The following VEGFC variants were observed in gnomAD, a reference collection of about 807,000 sequenced individuals.
VEGFC encodes the protein FLT4 ligand DHM.
VEGFC carries 12 observed loss-of-function variants against 46.1 expected under a neutral mutation model. The ratio of observed to expected loss-of-function variants is 0.26; its 90% confidence interval spans 0.17 to 0.42. VEGFC has a LOEUF of 0.42. VEGFC is among the 10% of genes least tolerant of loss of function. The probability of loss-of-function intolerance (pLI) is 1.00; values close to 1 mark genes in which losing one functional copy is unlikely to be tolerated. For missense variants in VEGFC, 488 were observed against 529.4 expected (o/e 0.92, Z 0.77); for synonymous variants, 232 against 195.5 (o/e 1.19, Z -1.56).
intron 1 of VEGFC, among the ~76,000 whole-genome samples, chr4:176,733,584 G>C (rs1389881038): frequency 2.0e-5 from 3 of 151,854 alleles, no homozygotes; most frequent in African/African-American, 7.2e-5. Context: ...AGAAGTCATT[G>C]TAAAAGGCTA....
At position 176,691,845 on chromosome 4, in the gene VEGFC, C is replaced by A. The variant is rs142930551; in HGVS notation, c.705-3918G>T. Among the ~76,000 whole-genome samples, 426 of 152,312 alleles carry A rather than the reference C, an allele frequency of 2.8e-3. 10 individuals carry two copies. The East Asian group carries it at 0.066, about 24-fold the overall frequency. On this transcript the variant is annotated intron_variant, in intron 4 of 6. Coordinates refer to ENST00000618562, the MANE Select transcript of VEGFC (RefSeq NM_005429.5). ...TCCGGTCTACAGCTCCCAGCCTGAG[C>A]AACGCAGAAGACGGGTGATTTCTGC...
intron 1 of VEGFC, among the ~76,000 whole-genome samples, chr4:176,761,152 A>G (rs544074855): frequency 6.6e-6 from 1 of 152,356 alleles, no homozygotes; most frequent in African/African-American, 2.4e-5. Flanking sequence ...AAATTGTGAG[A>G]AAATTAAATT....
At chr4:176,754,022 G>C (rs1237087872) in intron 1 of VEGFC, among the ~76,000 whole-genome samples, 1 of 152,036 alleles carries the variant, frequency 6.6e-6, no homozygotes, top group East Asian at 1.9e-4. Flanking sequence ...TATTATTACT[G>C]TAACCATATT....
chr4:176,779,000 A>AT (rs1374590038), intron 1 of VEGFC, among the ~76,000 whole-genome samples: 1 of 152,204 alleles, frequency 6.6e-6, no homozygotes, highest in Non-Finnish European at 1.5e-5. Flanking sequence ...ACAGGAAAAA[A>AT]TGTCTAATTC....
At chr4:176,689,934 A>C (rs1350900177) in intron 4 of VEGFC, among the ~76,000 whole-genome samples, 1 of 152,220 alleles carries the variant, frequency 6.6e-6, no homozygotes, top group Non-Finnish European at 1.5e-5. Flanking sequence ...ATTATTTTGT[A>C]GGAAATAGCT....
At chr4:176,730,774 C>A (rs564611071) in intron 1 of VEGFC, among the ~76,000 whole-genome samples, 1 of 152,060 alleles carries the variant, frequency 6.6e-6, no homozygotes, top group East Asian at 1.9e-4. Context: ...AACATATTTG[C>A]CTTAAAATTG....
chr4:176,698,697 A>C (rs113359039), intron 4 of VEGFC, among the ~76,000 whole-genome samples: 10,512 of 151,940 alleles, frequency 0.069, 415 homozygotes, highest in Non-Finnish European at 0.092. Context: ...AAGTTGTCAC[A>C]CTCTAACATT....
rs1734066132 is a variant in VEGFC, at chr4:176,687,513, T to C, written c.819A>G (p.Thr273=). 4 of 1,597,754 alleles carry C rather than the reference T, an allele frequency of 2.5e-6. No individual in the cohort carries two copies. The highest frequency in any genetic ancestry group is 1.1e-5 in the South Asian group (1 of 89,690). ...GTCCACAGATGTCATGGAATCCATC[T>C]GTTGAGTCTAGACAAATAGTCAGAG... The part of the protein sequence containing the change: ...MFSSDAGDDS[T]DGFHDICGPN... Residue 273 remains threonine (T), a synonymous_variant, in exon 6 of 7, where the codon ACA becomes ACG. Transcript: ENST00000618562.
At chr4:176,695,175 T>C (rs1734286085) in intron 4 of VEGFC, among the ~76,000 whole-genome samples, 1 of 151,748 alleles carries the variant, frequency 6.6e-6, no homozygotes, top group Non-Finnish European at 1.5e-5. Context: ...CCTTCAAAAA[T>C]TAATGAATCC....
At chr4:176,724,386 A>G (rs1243377226) in intron 3 of VEGFC, among the ~76,000 whole-genome samples, 1 of 152,210 alleles carries the variant, frequency 6.6e-6, no homozygotes, top group African/African-American at 2.4e-5. Flanking sequence ...CACTGGGATA[A>G]GTAGTGAACG....
At chr4:176,789,325 T>C (rs180905673) in intron 1 of VEGFC, among the ~76,000 whole-genome samples, 1 of 152,390 alleles carries the variant, frequency 6.6e-6, no homozygotes. Flanking sequence ...CTAAGATCAG[T>C]AATTAACTGC....
chr4:176,727,307 CT>C (rs1250400742), intron 3 of VEGFC, among the ~76,000 whole-genome samples: 1 of 152,152 alleles, frequency 6.6e-6, no homozygotes, highest in East Asian at 1.9e-4. Flanking sequence ...CAATAAATTT[CT>C]TCAGTGAGAT....
intron 1 of VEGFC, among the ~76,000 whole-genome samples, chr4:176,768,742 G>C (rs906894131): frequency 2.0e-5 from 3 of 151,628 alleles, no homozygotes; most frequent in African/African-American, 4.8e-5. Context: ...CAGGTATCAA[G>C]CAACTAGGGA....
chr4:176,733,232 C>T (rs1296094983), intron 1 of VEGFC, among the ~76,000 whole-genome samples: 2 of 151,864 alleles, frequency 1.3e-5, no homozygotes, highest in Non-Finnish European at 2.9e-5. Context: ...TAAACATATA[C>T]TTACTAAAAT....
intron 1 of VEGFC, among the ~76,000 whole-genome samples, chr4:176,762,951 A>G (rs1345867345): frequency 1.3e-5 from 2 of 152,224 alleles, no homozygotes; most frequent in Non-Finnish European, 2.9e-5. Flanking sequence ...AGGGCAAACT[A>G]GAAAAATAAC....
intron 6 of VEGFC, among the ~76,000 whole-genome samples, chr4:176,686,534 G>A (rs1270845556): frequency 6.6e-6 from 1 of 152,188 alleles, no homozygotes; most frequent in African/African-American, 2.4e-5. Flanking sequence ...GGAATGTGGA[G>A]AAAATGTCAA....
intron 1 of VEGFC, among the ~76,000 whole-genome samples, chr4:176,740,357 T>A (rs1735145960): frequency 8.3e-6 from 1 of 119,916 alleles, no homozygotes; most frequent in Admixed American, 9.5e-5. Flanking sequence ...TTATATATAG[T>A]TATATATATT....
At chr4:176,785,067 G>A (rs922070947) in intron 1 of VEGFC, among the ~76,000 whole-genome samples, 13 of 152,068 alleles carry the variant, frequency 8.5e-5, no homozygotes, top group African/African-American at 2.9e-4. Flanking sequence ...TCTTCCAGGC[G>A]CTATCACAGG....
At chr4:176,727,488 C>T (rs950158106) in intron 3 of VEGFC, among the ~76,000 whole-genome samples, 3 of 152,168 alleles carry the variant, frequency 2.0e-5, no homozygotes, top group Non-Finnish European at 2.9e-5. Flanking sequence ...CACATACACA[C>T]GTACATGTAC....
Sources: gnomAD v4.1 joint callset for allele counts (sites outside exome capture counted in the v4.1 genomes callset) on GRCh38, gnomAD v4.1.1 for gene constraint, MANE v1.5 for transcripts, NCBI Gene and HGNC (gene_info 2026-07-23, HGNC 2026-07-21) for gene names.